The following CACNA2D3 variants were observed in gnomAD, a reference collection of about 807,000 sequenced individuals.
CACNA2D3 encodes calcium voltage-gated channel auxiliary subunit alpha2delta 3.
Under a neutral mutation model 160.6 loss-of-function variants are expected in CACNA2D3, and 60 were observed. That is an observed-to-expected ratio of 0.37 (90% CI 0.30 to 0.46). CACNA2D3 has a LOEUF of 0.46. CACNA2D3 is among the 20% of genes least tolerant of loss of function. The pLI is 1.00. For synonymous variants in CACNA2D3, 558 were observed against 492.9 expected (o/e 1.13, Z -1.75); for missense variants, 1,205 against 1,365.0 (o/e 0.88, Z 1.85).
At chr3:54,147,318 A>C (rs2107276224) in intron 2 of CACNA2D3, among the ~76,000 whole-genome samples, 1 of 152,346 alleles carries the variant, frequency 6.6e-6, no homozygotes, top group East Asian at 1.9e-4. Context: ...CTTGGCACAG[A>C]GGAAGCGTTG....
chr3:54,353,709 T>C (rs1357349404), intron 3 of CACNA2D3, among the ~76,000 whole-genome samples: 3 of 152,116 alleles, frequency 2.0e-5, no homozygotes, highest in Non-Finnish European at 4.4e-5. Context: ...CCCTGTGGGC[T>C]TTAGGGAAGG....
chr3:54,818,176 C>T (rs1703501542), intron 14 of CACNA2D3, among the ~76,000 whole-genome samples: 1 of 152,122 alleles, frequency 6.6e-6, no homozygotes, highest in African/African-American at 2.4e-5. Context: ...GAGGTGCCAT[C>T]AGCCGTAGAA....
At chr3:54,779,169 C>T (rs1559579141) in intron 13 of CACNA2D3, among the ~76,000 whole-genome samples, 1 of 152,136 alleles carries the variant, frequency 6.6e-6, no homozygotes, top group Non-Finnish European at 1.5e-5. Context: ...ACAACCTCAG[C>T]TCACTGCAAC....
At chr3:54,266,681 A>G (rs1702523281) in intron 2 of CACNA2D3, among the ~76,000 whole-genome samples, 1 of 152,228 alleles carries the variant, frequency 6.6e-6, no homozygotes, top group Non-Finnish European at 1.5e-5. Flanking sequence ...GACAGAATTC[A>G]AGGCCAGAGG....
At chr3:54,972,099 G>A (rs1702286933) in intron 29 of CACNA2D3, among the ~76,000 whole-genome samples, 1 of 152,176 alleles carries the variant, frequency 6.6e-6, no homozygotes, top group South Asian at 2.1e-4. Context: ...TACACTTTGG[G>A]CAAGTGACAG....
chr3:54,997,355 G>A (rs1322906846), intron 31 of CACNA2D3, among the ~76,000 whole-genome samples: 1 of 152,006 alleles, frequency 6.6e-6, no homozygotes, highest in East Asian at 1.9e-4. Flanking sequence ...CCCCACCCCA[G>A]ACTAATGAAA....
At chr3:54,317,595 T>C (rs186600405) in intron 2 of CACNA2D3, among the ~76,000 whole-genome samples, 42 of 152,098 alleles carry the variant, frequency 2.8e-4, no homozygotes, top group Non-Finnish European at 5.6e-4. Flanking sequence ...TGGAGTGCAA[T>C]GGCGCGATCG....
chr3:54,238,131 A>G (rs1448093834), intron 2 of CACNA2D3, among the ~76,000 whole-genome samples: 2 of 152,140 alleles, frequency 1.3e-5, no homozygotes. Context: ...TTGCCTTTCT[A>G]TGTCCCCACA....
At chr3:54,659,666 C>A (rs533065354) in intron 11 of CACNA2D3, among the ~76,000 whole-genome samples, 1 of 152,134 alleles carries the variant, frequency 6.6e-6, no homozygotes, top group Admixed American at 6.5e-5. Context: ...AAAACTGCCA[C>A]GGGGACAGAG....
intron 35 of CACNA2D3, among the ~76,000 whole-genome samples, chr3:55,072,463 G>GTGAT (rs1341434582): frequency 6.6e-6 from 1 of 152,180 alleles, no homozygotes; most frequent in East Asian, 1.9e-4. Flanking sequence ...GTTCACCATG[G>GTGAT]TGATATACTC....
intron 11 of CACNA2D3, among the ~76,000 whole-genome samples, chr3:54,749,015 CT>C (rs769321914): frequency 1.3e-5 from 2 of 152,268 alleles, no homozygotes; most frequent in East Asian, 3.9e-4. Flanking sequence ...CATGTCATCT[CT>C]TTTTTGTGTT....
At chr3:54,781,434 G>A (rs963971843) in intron 13 of CACNA2D3, among the ~76,000 whole-genome samples, 1 of 152,192 alleles carries the variant, frequency 6.6e-6, no homozygotes, top group African/African-American at 2.4e-5. Context: ...TTCTCTGTCT[G>A]TAGCTGGTCA....
rs187952571 is a variant in CACNA2D3, at chr3:54,785,303, T to C, written c.1380+20952T>C. 4.5e-4 allele frequency among the ~76,000 whole-genome samples: 68 copies of C among 152,328 alleles called. No individual in the cohort carries two copies. The East Asian group carries it at 0.012, about 27-fold the overall frequency. ...CCCTCCTATGTTATGTAACATCTGC[T>C]CCTCAGCTTCTCCAATTGAAGAATG... On this transcript the variant is annotated intron_variant, in intron 13 of 37. Transcript: ENST00000474759.
intron 27 of CACNA2D3, among the ~76,000 whole-genome samples, chr3:54,961,300 A>T (rs377455216): frequency 6.6e-6 from 1 of 152,248 alleles, no homozygotes; most frequent in Non-Finnish European, 1.5e-5. Flanking sequence ...TGATTAAGAA[A>T]TATGACCAGC....
chr3:54,822,790 C>CTTTCCTTTCTTTCTTT (rs1491160047), intron 14 of CACNA2D3, among the ~76,000 whole-genome samples: 51 of 71,916 alleles, frequency 7.1e-4, no homozygotes, highest in East Asian at 1.4e-3. Context: ...TTCTTTCTTT[C>CTTTCCTTTCTTTCTTT]CTTTCTTTCT....
chr3:54,875,342 T>A (rs943799203), intron 18 of CACNA2D3: 13 of 152,180 alleles, frequency 8.5e-5, no homozygotes, highest in African/African-American at 2.4e-4. Context: ...GCTGGTTGAA[T>A]GCTTGCTTGG....
At chr3:54,545,111 C>T (rs1436368344) in intron 5 of CACNA2D3, among the ~76,000 whole-genome samples, 1 of 152,192 alleles carries the variant, frequency 6.6e-6, no homozygotes, top group Non-Finnish European at 1.5e-5. Context: ...AACTAACAAA[C>T]TGATAAAATA....
At chr3:54,882,493 G>T (rs1699824541) in intron 21 of CACNA2D3, among the ~76,000 whole-genome samples, 1 of 152,124 alleles carries the variant, frequency 6.6e-6, no homozygotes, top group Admixed American at 6.5e-5. Flanking sequence ...ATGTTCCACA[G>T]CTGTGAGGCT....
chr3:54,266,263 T>C (rs1559901623), intron 2 of CACNA2D3, among the ~76,000 whole-genome samples: 1 of 152,302 alleles, frequency 6.6e-6, no homozygotes, highest in East Asian at 1.9e-4. Context: ...CTTCTTAGAA[T>C]TGGAGTTGGG....
Sources: allele counts gnomAD v4.1 joint callset (sites outside exome capture counted in the v4.1 genomes callset), GRCh38; gene constraint gnomAD v4.1.1; transcripts MANE v1.5; gene names NCBI Gene and HGNC (gene_info 2026-07-23, HGNC 2026-07-21).